Variants in ZNF691 observed in about 807,000 individuals in gnomAD.
The protein encoded by ZNF691 is zinc finger protein 691.
In ZNF691, 11 loss-of-function variants were observed where a neutral mutation model predicts 24.1. That is an observed-to-expected ratio of 0.46 (90% CI 0.29 to 0.75). ZNF691 has a LOEUF of 0.75. ZNF691 is among the 30% of genes least tolerant of loss of function. The pLI, the probability that ZNF691 is intolerant of heterozygous loss-of-function variation, is 0.11. For synonymous variants in ZNF691, 149 were observed against 153.9 expected (o/e 0.97, Z 0.23); for missense variants, 356 against 409.0 (o/e 0.87, Z 1.12).
intron 1 of ZNF691, among the ~76,000 whole-genome samples, chr1:42,848,911 T>G (rs1232129352): frequency 6.6e-6 from 1 of 152,188 alleles, no homozygotes; most frequent in East Asian, 1.9e-4. Flanking sequence ...AAACCAATTA[T>G]TTTTCATATT....
At chr1:42,848,108 C>G (rs963573595) in intron 1 of ZNF691, among the ~76,000 whole-genome samples, 1 of 152,162 alleles carries the variant, frequency 6.6e-6, no homozygotes, top group Non-Finnish European at 1.5e-5. Flanking sequence ...TAATCATAAT[C>G]CTAAATCCTT....
chr1:42,849,373 A>AT lies in ZNF691; in HGVS notation c.-133dup, dbSNP rs1655317520. On this transcript the variant is annotated 5_prime_UTR_variant, in exon 2 of 4. It removes the in-frame stop codon of an upstream open reading frame in the 5' UTR. Coordinates refer to ENST00000651192, the MANE Select transcript of ZNF691 (RefSeq NM_001242739.2). ...GCATGTGTCACACACTCTGCTGAGT[A>AT]TTACAGGCATTTTTTTCTAATACAA... is the stretch of plus-strand genomic sequence containing the variant. The AT allele has an allele frequency of 8.9e-6, 5 of 560,570 alleles. No homozygotes were observed. Among genetic ancestry groups the AT allele is most frequent in the Non-Finnish European group, 1.4e-5 (4 of 294,766 alleles). The allele number at this position is 560,570 out of a possible 1,614,324, so 34.7% of individuals were successfully genotyped here.
At chr1:42,848,989 A>G (rs575510639) in intron 1 of ZNF691, among the ~76,000 whole-genome samples, 1 of 152,346 alleles carries the variant, frequency 6.6e-6, no homozygotes, top group Admixed American at 6.5e-5. Flanking sequence ...TGTTGCTTTA[A>G]ATAAAGTTTT....
intron 3 of ZNF691, 141 bp from the exon 4 acceptor site, chr1:42,850,809 C>T (rs1655364676): frequency 1.7e-5 from 27 of 1,548,676 alleles, no homozygotes; most frequent in Non-Finnish European, 2.3e-5. Context: ...GTATTCTATC[C>T]AAGTATTCCA....
Position 42,851,382 on chromosome 1 carries a change from T to A in ZNF691, c.517T>A (p.Cys173Ser). 1 of 1,614,090 alleles carries A rather than the reference T, an allele frequency of 6.2e-7. No individual in the cohort carries two copies. ...CCACCTGGAAGAGAAACACTACAAA[T>A]GCCCCAAGTGCCAGGAGAGCTTTCG... ...RIHLEEKHYK[C>S]PKCQESFRRR... is the part of the protein sequence containing the mutation. Residue 173 changes from cysteine to serine, a missense_variant, in exon 4 of 4, where the codon TGC becomes AGC. Physicochemically the swap from Cys to Ser is moderately radical, Grantham distance 112. Transcript: ENST00000651192. The surrounding 1 kb of genome is among the most constrained non-coding windows in gnomAD (Gnocchi z 4.7).
intron 3 of ZNF691, chr1:42,850,613 C>T: frequency 1.3e-6 from 2 of 1,529,626 alleles, no homozygotes; most frequent in South Asian, 1.2e-5. Flanking sequence ...AAAATGAAAG[C>T]TCTTTTACTT....
Position 42,849,649 on chromosome 1 carries a change from C to G in ZNF691, c.-10C>G. ...GATAGTTTGTGCTTCCCTCCCTCATCCCTTTGTTCATGTCACTCTGTTCAC... is the reference window on the plus strand; with the variant it reads ...GATAGTTTGTGCTTCCCTCCCTCATGCCTTTGTTCATGTCACTCTGTTCAC... On this transcript the variant is annotated 5_prime_UTR_variant, in exon 3 of 4. It adds an upstream start codon to the 5' untranslated region. Transcript: ENST00000651192. 6.5e-7 allele frequency: 1 copy of G among 1,548,114 alleles called. No homozygotes were observed. Among genetic ancestry groups the G allele is most frequent in the South Asian group, 1.2e-5 (1 of 83,998 alleles).
Position 42,852,305 on chromosome 1 carries a change from C to G in ZNF691, c.*492C>G, listed in dbSNP as rs1655420939. 4.0e-6 allele frequency: 1 copy of G among 248,910 alleles called. No homozygotes were observed. The highest frequency in any genetic ancestry group is 2.3e-5 in the African/African-American group (1 of 43,810). 15.4% of individuals were successfully genotyped at this position (248,910 alleles called of 1,614,324 possible). ...GAGTGACCTTCTCAATGGAAGGGGCCTCCTTGGTCTGGAGAAGAGATCTGA... is the reference window on the plus strand; with the variant it reads ...GAGTGACCTTCTCAATGGAAGGGGCGTCCTTGGTCTGGAGAAGAGATCTGA... On this transcript the variant is annotated 3_prime_UTR_variant, in exon 4 of 4. Coordinates refer to ENST00000651192, the MANE Select transcript of ZNF691 (RefSeq NM_001242739.2).
At chr1:42,848,192 CA>C (rs1655290693) in intron 1 of ZNF691, among the ~76,000 whole-genome samples, 1 of 152,098 alleles carries the variant, frequency 6.6e-6, no homozygotes, top group Non-Finnish European at 1.5e-5. Context: ...CTCAGAATAG[CA>C]GTTTCGGAAG....
intron 3 of ZNF691, 138 bp downstream of exon 3, chr1:42,849,880 G>A (rs966368937): frequency 8.2e-6 from 6 of 729,964 alleles, no homozygotes; most frequent in Non-Finnish European, 1.4e-5. Flanking sequence ...TTTGGGGTGG[G>A]GTGTGGGGAG....
chr1:42,848,442 T>C (rs1281097179), intron 1 of ZNF691, among the ~76,000 whole-genome samples: 1 of 152,172 alleles, frequency 6.6e-6, no homozygotes, highest in African/African-American at 2.4e-5. Flanking sequence ...GTTCTACTAG[T>C]AGTTGCAAAC....
Position 42,849,735 on chromosome 1 carries a change from C to A in ZNF691, c.77C>A (p.Ser26Ter). 1 of 1,551,066 alleles carries A rather than the reference C, an allele frequency of 6.4e-7. No individual in the cohort carries two copies. The highest frequency in any genetic ancestry group is 8.7e-7 in the Non-Finnish European group (1 of 1,146,998). ...LQGPEEMLPLSSEGSEMGSEK... is the reference protein window; with the variant it reads ...LQGPEEMLPL ...GGCCCGGAGGAAATGCTACCACTCTCATCAGAGGTACTTTTCCCCCCAACT... is the reference window on the plus strand; with the variant it reads ...GGCCCGGAGGAAATGCTACCACTCTAATCAGAGGTACTTTTCCCCCCAACT... The change falls in exon 3 of 4, where the codon TCA becomes TAA. Residue 26 changes from serine to a stop codon, truncating the protein, a stop_gained. Coordinates refer to ENST00000651192, the MANE Select transcript of ZNF691 (RefSeq NM_001242739.2). LOFTEE classifies it high-confidence loss of function.
chr1:42,849,987 G>A (rs373221138), intron 3 of ZNF691, among the ~76,000 whole-genome samples: 53 of 152,070 alleles, frequency 3.5e-4, no homozygotes, highest in Middle Eastern at 3.4e-3. Context: ...GTATAGACAT[G>A]TATGTAGCTA....
intron 1 of ZNF691, among the ~76,000 whole-genome samples, chr1:42,847,379 C>G (rs1316100817): frequency 6.6e-6 from 1 of 151,988 alleles, no homozygotes; most frequent in Non-Finnish European, 1.5e-5. Flanking sequence ...CTTCTTAGAC[C>G]TGGCCCCTCC....
chr1:42,849,030 C>CT (rs1190136746), intron 1 of ZNF691, among the ~76,000 whole-genome samples: 5 of 152,164 alleles, frequency 3.3e-5, no homozygotes, highest in Non-Finnish European at 7.4e-5. Context: ...TCCTTTATGT[C>CT]TTGTCTATGG....
intron 3 of ZNF691, chr1:42,850,681 A>G (rs1229835673): frequency 6.4e-7 from 1 of 1,550,530 alleles, no homozygotes; most frequent in African/African-American, 1.4e-5. Context: ...GAGTGACATT[A>G]TTCAAATGGC....
rs1171881601 is a variant in ZNF691 at position 42,849,366 on chromosome 1, G to A, written c.-142G>A. On this transcript the variant is annotated 5_prime_UTR_variant, in exon 2 of 4. Transcript: ENST00000651192. ...AATGACAGCATGTGTCACACACTCT[G>A]CTGAGTATTACAGGCATTTTTTTCT... 1 of 550,740 alleles carries A rather than the reference G, an allele frequency of 1.8e-6. No individual in the cohort carries two copies. Among genetic ancestry groups the A allele is most frequent in the Admixed American group, 2.2e-5 (1 of 45,454 alleles). 34.1% of individuals were successfully genotyped at this position (550,740 alleles called of 1,614,324 possible). A position where few individuals can be genotyped will look rare whatever the true frequency, so the allele number is the denominator to read the frequency against.
Position 42,851,264 on chromosome 1 carries a change from C to G in ZNF691, c.399C>G (p.His133Gln), listed in dbSNP as rs1282417704. 6.2e-7 allele frequency: 1 copy of G among 1,614,178 alleles called. No individual in the cohort carries two copies. Among genetic ancestry groups the G allele is most frequent in the Non-Finnish European group, 8.5e-7 (1 of 1,180,036 alleles). Residue 133 changes from histidine (H) to glutamine (Q), a missense_variant, in exon 4 of 4, where the codon CAC (histidine) becomes CAG (glutamine). His to Gln is a conservative substitution (Grantham distance 24, BLOSUM62 0). Transcript: ENST00000651192. This position sits in a 1 kb window ranked among gnomAD's most constrained non-coding sequence, Gnocchi z 4.7. ...ATAATACCTCCAACCTGAGAACACACCAGCGGATCCACACTGGTGAGAAGC... is the reference window on the plus strand; with the variant it reads ...ATAATACCTCCAACCTGAGAACACAGCAGCGGATCCACACTGGTGAGAAGC... ...TFNNTSNLRT[H>Q]QRIHTGEKPY...
chr1:42,848,484 G>A (rs1297193868), intron 1 of ZNF691, among the ~76,000 whole-genome samples: 1 of 152,170 alleles, frequency 6.6e-6, no homozygotes, highest in Non-Finnish European at 1.5e-5. Context: ...TTCTGTGACT[G>A]CATAAAGGAG....
Sources: allele counts gnomAD v4.1 joint callset (sites outside exome capture counted in the v4.1 genomes callset), GRCh38; gene constraint gnomAD v4.1.1; non-coding constraint Gnocchi (gnomAD v3.1); transcripts MANE v1.5; gene names NCBI Gene and HGNC (gene_info 2026-07-23, HGNC 2026-07-21).